Variants in LAMA3 observed in about 807,000 individuals in gnomAD.
The protein encoded by LAMA3 is laminin subunit alpha-3.
LAMA3 carries 281 observed loss-of-function variants against 402.0 expected under a neutral mutation model. The observed-to-expected ratio is 0.70, with a 90% CI of 0.63 to 0.77. The LOEUF is 0.77. LAMA3 is among the 30% of genes least tolerant of loss of function. LAMA3 has a pLI of 0.00. For synonymous variants in LAMA3, 1,431 were observed against 1,558.4 expected (o/e 0.92, Z 1.93); for missense variants, 3,840 against 4,215.5 (o/e 0.91, Z 2.47).
intron 15 of LAMA3, among the ~76,000 whole-genome samples, chr18:23,814,911 T>C (rs569835722): frequency 1.3e-5 from 2 of 152,368 alleles, no homozygotes; most frequent in South Asian, 2.1e-4. Flanking sequence ...GACCTCGGCA[T>C]TGGAATCATT....
intron 48 of LAMA3, among the ~76,000 whole-genome samples, chr18:23,902,128 G>C (rs551588092): frequency 2.0e-5 from 3 of 152,292 alleles, no homozygotes; most frequent in African/African-American, 4.8e-5. Context: ...TTTGAGACCA[G>C]CCTCGGCAAT....
At chr18:23,703,872 G>A (rs2060836404) in intron 1 of LAMA3, among the ~76,000 whole-genome samples, 1 of 152,192 alleles carries the variant, frequency 6.6e-6, no homozygotes, top group Non-Finnish European at 1.5e-5. Flanking sequence ...CAGAACACTT[G>A]CCCAAATCTT....
intron 32 of LAMA3, 23 bp from the exon 33 acceptor site, chr18:23,857,821 T>G: frequency 1.9e-6 from 3 of 1,614,226 alleles, no homozygotes; most frequent in Middle Eastern, 3.3e-4. Flanking sequence ...TGATGATTTT[T>G]GCTTCCTTTA....
At chr18:23,759,701 A>G (rs1390780976) in intron 7 of LAMA3, among the ~76,000 whole-genome samples, 1 of 152,138 alleles carries the variant, frequency 6.6e-6, no homozygotes, top group Non-Finnish European at 1.5e-5. Flanking sequence ...ATACTTTTTG[A>G]CCAAATATTT....
At chr18:23,817,129 C>G (rs971215566) in intron 18 of LAMA3, among the ~76,000 whole-genome samples, 4 of 152,130 alleles carry the variant, frequency 2.6e-5, no homozygotes, top group African/African-American at 9.7e-5. Context: ...AGTACTTTGT[C>G]TCATGCAGAA....
intron 23 of LAMA3, among the ~76,000 whole-genome samples, chr18:23,832,553 G>A (rs907190470): frequency 1.3e-5 from 2 of 152,160 alleles, no homozygotes; most frequent in African/African-American, 2.4e-5. Context: ...ACACTGCTGA[G>A]GAATAAAGTT....
intron 56 of LAMA3, 58 bp downstream of exon 56, chr18:23,912,939 C>A (rs2081484817): frequency 6.7e-7 from 1 of 1,491,122 alleles, no homozygotes; most frequent in Non-Finnish European, 9.3e-7. Context: ...GAGAGGTGTG[C>A]TTTTGAGATG....
intron 29 of LAMA3, among the ~76,000 whole-genome samples, chr18:23,843,413 A>AC (rs2063747988): frequency 6.6e-6 from 1 of 150,986 alleles, no homozygotes; most frequent in African/African-American, 2.4e-5. Context: ...AGTCATGCTG[A>AC]CCCCCCTTCT....
chr18:23,821,525 C>G (rs2063285534), intron 19 of LAMA3, among the ~76,000 whole-genome samples: 1 of 152,174 alleles, frequency 6.6e-6, no homozygotes. Flanking sequence ...GGGCCACAGC[C>G]CAATCTGGAC....
At chr18:23,850,679 CACA>C (rs750719862) in intron 32 of LAMA3, among the ~76,000 whole-genome samples, 79 of 152,156 alleles carry the variant, frequency 5.2e-4, no homozygotes, top group Non-Finnish European at 8.7e-4. Flanking sequence ...TTTTTTTTAG[CACA>C]ACAAGACAGC....
chr18:23,928,894 T>G (rs2082083833), intron 64 of LAMA3, 129 bp downstream of exon 64: 4 of 894,646 alleles, frequency 4.5e-6, no homozygotes, highest in Non-Finnish European at 5.5e-6. Flanking sequence ...TAAATGCTAT[T>G]GTATAGTTCA....
intron 10 of LAMA3, 53 bp from the exon 11 acceptor site, chr18:23,777,504 C>T (rs2062348011): frequency 1.6e-6 from 2 of 1,247,452 alleles, no homozygotes; most frequent in East Asian, 4.6e-5. Flanking sequence ...TAATGTTTTA[C>T]TTTACTATCT....
intron 2 of LAMA3, among the ~76,000 whole-genome samples, 167 bp from the exon 3 acceptor site, chr18:23,747,776 A>C (rs886623999): frequency 1.9e-4 from 29 of 152,186 alleles, no homozygotes; most frequent in African/African-American, 5.8e-4. Context: ...TCAGCTTGAG[A>C]GGCTGCAGCT....
chr18:23,931,254 G>A (rs569990545), intron 65 of LAMA3, 53 bp downstream of exon 65: 16 of 1,557,350 alleles, frequency 1.0e-5, no homozygotes, highest in East Asian at 4.5e-5. Flanking sequence ...ACTCTCTTTC[G>A]TTTAATGGAA....
At position 23,839,011 on chromosome 18, in the gene LAMA3, C is replaced by T; in HGVS notation, c.3191+133C>T. 1 of 707,848 alleles carries T rather than the reference C, an allele frequency of 1.4e-6. No individual in the cohort carries two copies. The allele number at this position is 707,848 out of a possible 1,614,324, so 43.8% of individuals were successfully genotyped here. The stretch of plus-strand genomic sequence containing the variant: ...CTAAAGTCTGGTGGTGGATTTAAAA[C>T]AGAAAGAAAAACCAGCTAAATAATT... On this transcript the variant is annotated intron_variant, in intron 26 of 74. Coordinates refer to ENST00000313654, the MANE Select transcript of LAMA3 (RefSeq NM_198129.4). This position sits in a 1 kb window ranked among gnomAD's most constrained non-coding sequence, Gnocchi z 4.5.
chr18:23,813,350 T>C (rs954330917), intron 14 of LAMA3, among the ~76,000 whole-genome samples: 1 of 152,172 alleles, frequency 6.6e-6, no homozygotes, highest in Non-Finnish European at 1.5e-5. Flanking sequence ...TGCAGGTTTG[T>C]AGGTTACTCA....
chr18:23,936,529 G>A (rs866402752), intron 67 of LAMA3, among the ~76,000 whole-genome samples: 1 of 151,844 alleles, frequency 6.6e-6, no homozygotes, highest in Non-Finnish European at 1.5e-5. Context: ...CAGTTAAAGC[G>A]AAGGGTGGGG....
intron 13 of LAMA3, among the ~76,000 whole-genome samples, chr18:23,812,385 C>A (rs1339568208): frequency 6.6e-6 from 1 of 152,102 alleles, no homozygotes; most frequent in Non-Finnish European, 1.5e-5. Flanking sequence ...CAAGGGGAAG[C>A]TGAGGCAGAC....
intron 2 of LAMA3, among the ~76,000 whole-genome samples, chr18:23,722,944 A>G (rs2061239526): frequency 6.6e-6 from 1 of 152,106 alleles, no homozygotes. Flanking sequence ...AAGGGTGAAA[A>G]CCAGAGTTTG....
Sources: allele counts gnomAD v4.1 joint callset (sites outside exome capture counted in the v4.1 genomes callset), GRCh38; gene constraint gnomAD v4.1.1; non-coding constraint Gnocchi (gnomAD v3.1); transcripts MANE v1.5; gene names NCBI Gene and HGNC (gene_info 2026-07-23, HGNC 2026-07-21).